Variants in GPC5 observed in about 807,000 individuals in gnomAD.
GPC5 encodes glypican-5.
A neutral mutation model predicts 53.9 loss-of-function variants in GPC5; 47 were observed. The observed-to-expected ratio is 0.87, with a 90% CI of 0.69 to 1.11. The LOEUF is 1.11. GPC5 is among the 50% of genes most tolerant of loss of function. GPC5 has a pLI of 0.00. For synonymous variants in GPC5, 286 were observed against 263.3 expected (o/e 1.09, Z -0.84); for missense variants, 748 against 713.1 (o/e 1.05, Z -0.56).
intron 7 of GPC5, among the ~76,000 whole-genome samples, chr13:92,151,433 A>G (rs1386886939): frequency 6.6e-6 from 1 of 151,994 alleles, no homozygotes; most frequent in Non-Finnish European, 1.5e-5. Context: ...TCTCTAAAAT[A>G]CTCTCTATTA....
chr13:92,182,879 A>AAG (rs946464532), intron 7 of GPC5, among the ~76,000 whole-genome samples: 21 of 143,098 alleles, frequency 1.5e-4, no homozygotes, highest in African/African-American at 4.4e-4. Context: ...AAAAAAAGAA[A>AAG]AAAAAAAAAA....
chr13:91,719,307 G>A (rs555877005), intron 3 of GPC5, among the ~76,000 whole-genome samples: 32 of 152,318 alleles, frequency 2.1e-4, no homozygotes, highest in South Asian at 1.9e-3. Context: ...CCCTCCAGCC[G>A]CCCCTAGGTC....
chr13:91,548,611 G>A (rs750741374), intron 2 of GPC5, among the ~76,000 whole-genome samples: 4 of 152,138 alleles, frequency 2.6e-5, no homozygotes, highest in Non-Finnish European at 4.4e-5. Context: ...CAATTCTAAA[G>A]TTTACATGGA....
At chr13:92,787,876 CAAA>C (rs11346705) in intron 7 of GPC5, among the ~76,000 whole-genome samples, 7 of 85,952 alleles carry the variant, frequency 8.1e-5, no homozygotes, top group Non-Finnish European at 1.3e-4. Flanking sequence ...GACCCTGTCT[CAAA>C]AAAAAAAAAA....
intron 3 of GPC5, among the ~76,000 whole-genome samples, chr13:91,698,628 C>T (rs935767169): frequency 3.3e-5 from 5 of 152,000 alleles, no homozygotes; most frequent in Non-Finnish European, 5.9e-5. Context: ...AACAAAAAAG[C>T]GTAGGGAAGA....
At chr13:92,376,154 T>C (rs543972977) in intron 7 of GPC5, among the ~76,000 whole-genome samples, 12 of 152,336 alleles carry the variant, frequency 7.9e-5, no homozygotes, top group African/African-American at 2.9e-4. Flanking sequence ...AGAGTTGAGC[T>C]GAATGAAGGA....
chr13:91,960,337 A>G (rs779270898), intron 6 of GPC5, among the ~76,000 whole-genome samples: 11 of 152,006 alleles, frequency 7.2e-5, no homozygotes, highest in Non-Finnish European at 1.6e-4. Context: ...ATGGCTACAA[A>G]AAAATAAAAT....
At chr13:92,135,993 T>G (rs536506318) in intron 6 of GPC5, among the ~76,000 whole-genome samples, 5 of 152,164 alleles carry the variant, frequency 3.3e-5, no homozygotes, top group Non-Finnish European at 7.4e-5. Context: ...GTAGAAAAGT[T>G]TGGTATAAGA....
chr13:92,568,679 C>T (rs903195410), intron 7 of GPC5, among the ~76,000 whole-genome samples: 1 of 152,124 alleles, frequency 6.6e-6, no homozygotes, highest in African/African-American at 2.4e-5. Flanking sequence ...GATCATACCA[C>T]TAAGGGCTGG....
In GPC5 at chr13:92,646,929, CAT is replaced by C. The variant is rs1491194121; in HGVS notation, c.1562-219352_1562-219351del. Among the ~76,000 whole-genome samples, 190 of 135,138 alleles carry C rather than the reference CAT, an allele frequency of 1.4e-3. 1 individual carries two copies. Among genetic ancestry groups the C allele is most frequent in the South Asian group, 6.5e-3 (27 of 4,160 alleles). 88.7% of individuals were successfully genotyped at this position (135,138 alleles called of 152,430 possible). On this transcript the variant is annotated intron_variant, in intron 7 of 7. Coordinates refer to ENST00000377067, the MANE Select transcript of GPC5 (RefSeq NM_004466.6). Reference sequence around the variant, plus strand: ...ACATATATATGTAAATATATATAAACATGTGTGTGTGTGTGTGTGTGTGTGTG... The same window carrying C: ...ACATATATATGTAAATATATATAAACGTGTGTGTGTGTGTGTGTGTGTGTG...
At chr13:92,402,111 G>T (rs1875585344) in intron 7 of GPC5, among the ~76,000 whole-genome samples, 1 of 152,102 alleles carries the variant, frequency 6.6e-6, no homozygotes. Flanking sequence ...TGTTGAGTAG[G>T]AGTGAAGTTG....
At chr13:91,479,825 A>G (rs1390247826) in intron 2 of GPC5, among the ~76,000 whole-genome samples, 7 of 152,198 alleles carry the variant, frequency 4.6e-5, no homozygotes, top group Admixed American at 3.9e-4. Flanking sequence ...TAGAATAGAC[A>G]TATTGCAGAA....
At chr13:92,667,282 T>A (rs1886608168) in intron 7 of GPC5, among the ~76,000 whole-genome samples, 2 of 152,204 alleles carry the variant, frequency 1.3e-5, no homozygotes, top group African/African-American at 4.8e-5. Context: ...AAGAGAGGAT[T>A]GGTGTCATCT....
chr13:91,756,223 A>C (rs753196726), intron 4 of GPC5, 72 bp from the exon 5 acceptor site: 2 of 1,095,970 alleles, frequency 1.8e-6, no homozygotes, highest in Non-Finnish European at 2.5e-6. Context: ...TATGTATAAC[A>C]ATACATATCA....
At chr13:92,044,408 T>C (rs781575074) in intron 6 of GPC5, among the ~76,000 whole-genome samples, 6 of 152,190 alleles carry the variant, frequency 3.9e-5, no homozygotes, top group African/African-American at 9.7e-5. Flanking sequence ...TCTACATGGA[T>C]TGGGGAGCCA....
At chr13:92,730,464 G>T (rs1888767793) in intron 7 of GPC5, among the ~76,000 whole-genome samples, 1 of 151,212 alleles carries the variant, frequency 6.6e-6, no homozygotes, top group Non-Finnish European at 1.5e-5. Context: ...ACCAAACTCA[G>T]GCTCATCTAG....
At chr13:92,666,344 A>G (rs1242187899) in intron 7 of GPC5, among the ~76,000 whole-genome samples, 1 of 152,172 alleles carries the variant, frequency 6.6e-6, no homozygotes, top group Admixed American at 6.6e-5. Context: ...GCTGAATTCA[A>G]GATTGCTAAG....
At chr13:92,521,925 T>G (rs1020848752) in intron 7 of GPC5, among the ~76,000 whole-genome samples, 5 of 151,738 alleles carry the variant, frequency 3.3e-5, no homozygotes, top group African/African-American at 1.2e-4. Flanking sequence ...TCAAACAAAT[T>G]TACAAGAAAA....
At chr13:91,826,323 C>G (rs1473640066) in intron 5 of GPC5, among the ~76,000 whole-genome samples, 1 of 151,926 alleles carries the variant, frequency 6.6e-6, no homozygotes, top group African/African-American at 2.4e-5. Flanking sequence ...CTCTATCTAC[C>G]TAATATATAT....
Sources: gnomAD v4.1 joint callset for allele counts (sites outside exome capture counted in the v4.1 genomes callset) on GRCh38, gnomAD v4.1.1 for gene constraint, MANE v1.5 for transcripts, NCBI Gene and HGNC (gene_info 2026-07-23, HGNC 2026-07-21) for gene names.